The following TNRC6A variants were observed in gnomAD, a reference collection of about 807,000 sequenced individuals.
The protein encoded by TNRC6A is trinucleotide repeat containing adaptor 6A.
A neutral mutation model predicts 221.2 loss-of-function variants in TNRC6A; 44 were observed. The observed-to-expected ratio is 0.20, with a 90% CI of 0.16 to 0.26. The LOEUF (loss-of-function observed/expected upper bound fraction) is 0.26. TNRC6A is among the 10% of genes least tolerant of loss of function. The pLI, the probability that TNRC6A is intolerant of heterozygous loss-of-function variation, is 1.00. For missense variants in TNRC6A, 2,199 were observed against 2,404.4 expected (o/e 0.91, Z 1.79); for synonymous variants, 847 against 838.5 (o/e 1.01, Z -0.18).
chr16:24,632,246 C>A (rs957379139), intron 1 of TNRC6A, among the ~76,000 whole-genome samples: 2 of 152,172 alleles, frequency 1.3e-5, no homozygotes, highest in Admixed American at 1.3e-4. Context: ...CTGATCATCC[C>A]CCTGTGGTTT....
intron 4 of TNRC6A, among the ~76,000 whole-genome samples, chr16:24,761,249 G>A (rs142197187): frequency 2.1e-3 from 320 of 152,306 alleles, no homozygotes; most frequent in African/African-American, 7.2e-3. Context: ...ACGTAATGAC[G>A]TTCTTGAAAG....
In TNRC6A at chr16:24,698,090, G is replaced by C. The variant is rs370006138; in HGVS notation, n.403-52636G>C. 3.3e-5 allele frequency among the ~76,000 whole-genome samples: 5 copies of C among 151,580 alleles called. No individual in the cohort carries two copies. In the East Asian group the frequency reaches 9.8e-4, roughly 30 times the overall value. On this transcript the variant is annotated intron_variant and non_coding_transcript_variant, in intron 2 of 2. Transcript: ENST00000566108. ...TGCCTATAATCCCAGCACTTTGAGGGGCCGAGGCAGGAGGACCGCTTGAGC... is the reference window on the plus strand; with the variant it reads ...TGCCTATAATCCCAGCACTTTGAGGCGCCGAGGCAGGAGGACCGCTTGAGC...
At chr16:24,648,550 G>T (rs112408522) in intron 2 of TNRC6A, among the ~76,000 whole-genome samples, 1 of 152,078 alleles carries the variant, frequency 6.6e-6, no homozygotes. Flanking sequence ...GATTACAGGC[G>T]TGAGCCACCG....
At chr16:24,796,906 CA>C (rs1229870008) in intron 9 of TNRC6A, among the ~76,000 whole-genome samples, 1 of 152,192 alleles carries the variant, frequency 6.6e-6, no homozygotes, top group Non-Finnish European at 1.5e-5. Context: ...ACCCATACCC[CA>C]ACCAGCCGCA....
intron 22 of TNRC6A, among the ~76,000 whole-genome samples, 163 bp downstream of exon 22, chr16:24,820,523 C>T (rs1205119912): frequency 6.6e-6 from 1 of 152,228 alleles, no homozygotes. Context: ...AGGCACACAA[C>T]AGGCTGCAAT....
intron 2 of TNRC6A, among the ~76,000 whole-genome samples, chr16:24,647,575 T>C (rs1364602613): frequency 6.6e-6 from 1 of 152,130 alleles, no homozygotes; most frequent in Non-Finnish European, 1.5e-5. Flanking sequence ...CTGTGAACCA[T>C]CACCACCGTC....
rs920285732 is a variant in TNRC6A at position 24,644,661 on chromosome 16, C to T, written n.402+3652C>T. 1.8e-4 allele frequency among the ~76,000 whole-genome samples: 27 copies of T among 151,986 alleles called. 1 individual carries two copies. The highest frequency in any genetic ancestry group is 4.6e-4 in the Admixed American group (7 of 15,218). ...AGAGTCAAGGTCTCACTATGCTGCCCAGGCTGGTCTCAAACTCCTAGTCTC... is the reference window on the plus strand; with the variant it reads ...AGAGTCAAGGTCTCACTATGCTGCCTAGGCTGGTCTCAAACTCCTAGTCTC... On this transcript the variant is annotated intron_variant and non_coding_transcript_variant, in intron 2 of 2. Coordinates refer to the TNRC6A transcript ENST00000566108.
chr16:24,776,443 A>G (rs2057719252), intron 4 of TNRC6A: 1 of 985,458 alleles, frequency 1.0e-6, no homozygotes. Context: ...GAAAACCAGC[A>G]GGTTGTTTTC....
chr16:24,699,576 G>A (rs2055928140), intron 2 of TNRC6A, among the ~76,000 whole-genome samples: 1 of 152,024 alleles, frequency 6.6e-6, no homozygotes, highest in African/African-American at 2.4e-5. Context: ...AAAATGAGCT[G>A]GGCATGGTGG....
rs1041610826 is a variant in TNRC6A, at chr16:24,668,363, A to T, written n.402+27354A>T. On this transcript the variant is annotated intron_variant and non_coding_transcript_variant, in intron 2 of 2. Transcript: ENST00000566108. Reference sequence around the variant, plus strand: ...CCATCTCAAAAAAAAAAGAAAAAGAAAAAAAGAAAAGAAAAGAAAAATAAA... The same window carrying T: ...CCATCTCAAAAAAAAAAGAAAAAGATAAAAAGAAAAGAAAAGAAAAATAAA... Among the ~76,000 whole-genome samples the T allele has an allele frequency of 8.1e-4, 123 of 151,902 alleles. 2 individuals carry two copies. The highest frequency in any genetic ancestry group is 8.0e-3 in the Admixed American group (122 of 15,262).
chr16:24,779,911 A>G (rs2057803532), intron 5 of TNRC6A, among the ~76,000 whole-genome samples: 1 of 152,190 alleles, frequency 6.6e-6, no homozygotes, highest in South Asian at 2.1e-4. Context: ...ACAACTCTGC[A>G]GACCAGCCCT....
intron 1 of TNRC6A, among the ~76,000 whole-genome samples, chr16:24,624,480 G>GTTTT (rs886188239): frequency 6.6e-6 from 1 of 151,992 alleles, no homozygotes; most frequent in African/African-American, 2.4e-5. Flanking sequence ...TTGTTTGTTT[G>GTTTT]TTTGTTTGTT....
At chr16:24,677,780 C>T (rs1295433282) in intron 2 of TNRC6A, among the ~76,000 whole-genome samples, 4 of 152,164 alleles carry the variant, frequency 2.6e-5, no homozygotes, top group African/African-American at 9.7e-5. Context: ...AGTAGGTAGT[C>T]AGTACATATC....
intron 2 of TNRC6A, among the ~76,000 whole-genome samples, chr16:24,668,511 C>T (rs1296969769): frequency 6.6e-6 from 1 of 152,164 alleles, no homozygotes; most frequent in Non-Finnish European, 1.5e-5. Context: ...CCCCACTGGG[C>T]TTCAGTGCCT....
At chr16:24,665,867 T>C (rs890135188) in intron 2 of TNRC6A, among the ~76,000 whole-genome samples, 2 of 152,214 alleles carry the variant, frequency 1.3e-5, no homozygotes, top group African/African-American at 4.8e-5. Flanking sequence ...CGTCTGTCTA[T>C]GCTCTGCTAG....
At chr16:24,615,201 G>T (rs572758160) in intron 1 of TNRC6A, among the ~76,000 whole-genome samples, 5 of 152,206 alleles carry the variant, frequency 3.3e-5, no homozygotes, top group Non-Finnish European at 7.4e-5. Flanking sequence ...TGAAGGAAAG[G>T]CACATATTAG....
At chr16:24,785,725 T>C (rs966952842) in intron 5 of TNRC6A, among the ~76,000 whole-genome samples, 2 of 152,230 alleles carry the variant, frequency 1.3e-5, no homozygotes, top group South Asian at 4.1e-4. Flanking sequence ...TCCATTTCTT[T>C]ATTTTCCATT....
chr16:24,619,389 A>G (rs937111881), intron 1 of TNRC6A, among the ~76,000 whole-genome samples: 3 of 152,216 alleles, frequency 2.0e-5, no homozygotes, highest in African/African-American at 7.2e-5. Context: ...CTGCCTGAGA[A>G]TAACATTTGA....
intron 5 of TNRC6A, among the ~76,000 whole-genome samples, chr16:24,787,424 G>A (rs2057998119): frequency 6.6e-6 from 1 of 152,136 alleles, no homozygotes; most frequent in African/African-American, 2.4e-5. Context: ...CTATCCTCTA[G>A]TGTGGCTCTA....
Sources: gnomAD v4.1 joint callset for allele counts (sites outside exome capture counted in the v4.1 genomes callset) on GRCh38, gnomAD v4.1.1 for gene constraint, MANE v1.5 for transcripts, NCBI Gene and HGNC (gene_info 2026-07-23, HGNC 2026-07-21) for gene names.